Variants in TENT2 observed in about 807,000 individuals in gnomAD.
TENT2 encodes terminal nucleotidyltransferase 2.
A neutral mutation model predicts 72.2 loss-of-function variants in TENT2; 44 were observed. The ratio of observed to expected loss-of-function variants is 0.61; its 90% CI spans 0.48 to 0.78. TENT2 has a LOEUF of 0.78. TENT2 is among the 30% of genes least tolerant of loss of function. The pLI is 0.00. For synonymous variants in TENT2, 212 were observed against 192.5 expected (o/e 1.10, Z -0.84); for missense variants, 541 against 569.6 (o/e 0.95, Z 0.51).
At chr5:79,626,508 T>C (rs1368528503) in intron 4 of TENT2, among the ~76,000 whole-genome samples, 1 of 151,588 alleles carries the variant, frequency 6.6e-6, no homozygotes, top group Non-Finnish European at 1.5e-5. Context: ...GGGGTTTCAC[T>C]GTGTTAGCCA....
intron 8 of TENT2, 69 bp from the exon 9 acceptor site, chr5:79,648,548 G>C (rs72768817): frequency 0.083 from 89,206 of 1,071,548 alleles, 4,275 homozygotes; most frequent in South Asian, 0.13. Flanking sequence ...CATTAATTTA[G>C]TTATTAGGAA....
At chr5:79,641,450 T>C (rs1486356082) in intron 6 of TENT2, among the ~76,000 whole-genome samples, 1 of 149,740 alleles carries the variant, frequency 6.7e-6, no homozygotes, top group Non-Finnish European at 1.5e-5. Flanking sequence ...TTTTTTTTTT[T>C]CAAGAGCTCT....
rs1783948478 is a variant in TENT2, at chr5:79,640,907, A to G, written c.522A>G (p.Leu174=). ...CATGTCAGCAGCAAATAAGTGATTTAAAGAAGAAAGAACTCTGTCGAACAC... is the reference window on the plus strand; with the variant it reads ...CATGTCAGCAGCAAATAAGTGATTTGAAGAAGAAAGAACTCTGTCGAACAC... ...FETCQQQISD[L]KKKELCRTQL... The change falls in exon 5 of 15, where the codon TTA becomes TTG. Residue 174 remains leucine (L), a synonymous_variant. Transcript: ENST00000453514. The G allele has an allele frequency of 1.9e-5, 30 of 1,612,554 alleles. No individual in the cohort carries two copies. The highest frequency in any genetic ancestry group is 2.1e-5 in the Non-Finnish European group (25 of 1,179,500).
At chr5:79,620,845 C>G (rs566722312) in intron 3 of TENT2, among the ~76,000 whole-genome samples, 3 of 152,278 alleles carry the variant, frequency 2.0e-5, no homozygotes, top group Admixed American at 1.3e-4. Flanking sequence ...ACATCTCACA[C>G]AGGTAAGGTT....
intron 4 of TENT2, among the ~76,000 whole-genome samples, chr5:79,627,553 A>G (rs1192274870): frequency 6.6e-6 from 1 of 152,042 alleles, no homozygotes; most frequent in Non-Finnish European, 1.5e-5. Flanking sequence ...TGGCACAATC[A>G]TGGCTCACTG....
intron 8 of TENT2, among the ~76,000 whole-genome samples, chr5:79,646,960 G>A (rs553322385): frequency 1.9e-4 from 29 of 151,894 alleles, no homozygotes; most frequent in African/African-American, 6.5e-4. Flanking sequence ...GTAGAGACAG[G>A]GTCTCGCCAT....
chr5:79,615,841 T>G (rs572012696), intron 1 of TENT2, among the ~76,000 whole-genome samples: 1 of 151,676 alleles, frequency 6.6e-6, no homozygotes, highest in East Asian at 1.9e-4. Context: ...GCCTCCAGAG[T>G]AGCTGGGACT....
intron 12 of TENT2, among the ~76,000 whole-genome samples, chr5:79,679,232 A>G (rs1819829884): frequency 6.6e-6 from 1 of 151,818 alleles, no homozygotes; most frequent in South Asian, 2.1e-4. Context: ...CAGTTACTTC[A>G]TTTTTTCAAT....
chr5:79,654,235 T>C (rs2405096), intron 10 of TENT2, among the ~76,000 whole-genome samples: 70,793 of 151,938 alleles, frequency 0.47, 20,364 homozygotes, highest in African/African-American at 0.81. Flanking sequence ...AATTCGAGAC[T>C]AGCCTGACCA....
intron 14 of TENT2, among the ~76,000 whole-genome samples, chr5:79,684,340 C>T (rs1194997403): frequency 6.6e-6 from 1 of 152,062 alleles, no homozygotes; most frequent in Non-Finnish European, 1.5e-5. Flanking sequence ...CTCAGGCAGC[C>T]TCAATCTCCT....
intron 3 of TENT2, among the ~76,000 whole-genome samples, chr5:79,622,877 G>A (rs1304036293): frequency 1.3e-5 from 2 of 152,036 alleles, no homozygotes; most frequent in African/African-American, 4.8e-5. Context: ...TTTATAACTA[G>A]CACTCAGCTC....
intron 1 of TENT2, among the ~76,000 whole-genome samples, chr5:79,613,500 C>T (rs924805324): frequency 3.3e-5 from 5 of 152,074 alleles, no homozygotes; most frequent in Non-Finnish European, 7.4e-5. Context: ...TTGTAAATAT[C>T]TTCATATTGT....
intron 10 of TENT2, among the ~76,000 whole-genome samples, chr5:79,652,906 T>A (rs1795251064): frequency 6.6e-6 from 1 of 152,138 alleles, no homozygotes; most frequent in African/African-American, 2.4e-5. Flanking sequence ...CAGTGAACTC[T>A]GTTCTCTTGT....
At chr5:79,652,405 A>G (rs1794863198) in intron 10 of TENT2, among the ~76,000 whole-genome samples, 1 of 152,068 alleles carries the variant, frequency 6.6e-6, no homozygotes, top group African/African-American at 2.4e-5. Flanking sequence ...ATTTGTATAT[A>G]TACAAATACT....
chr5:79,665,892 A>C (rs1354344741), intron 11 of TENT2, among the ~76,000 whole-genome samples: 1 of 151,040 alleles, frequency 6.6e-6, no homozygotes, highest in African/African-American at 2.4e-5. Flanking sequence ...TAAGTTCTGA[A>C]CCCCCTTGTC....
intron 10 of TENT2, among the ~76,000 whole-genome samples, chr5:79,655,368 G>GT (rs1362781294): frequency 6.6e-6 from 1 of 151,998 alleles, no homozygotes; most frequent in Non-Finnish European, 1.5e-5. Context: ...GCTAGTATTT[G>GT]TTTTTGTCTC....
chr5:79,654,050 G>C (rs1054957991), intron 10 of TENT2, among the ~76,000 whole-genome samples: 1 of 152,208 alleles, frequency 6.6e-6, no homozygotes, highest in Non-Finnish European at 1.5e-5. Flanking sequence ...AATTCCAGTA[G>C]TCAATAATTG....
chr5:79,640,414 T>C (rs1783537728), intron 4 of TENT2, among the ~76,000 whole-genome samples: 1 of 152,168 alleles, frequency 6.6e-6, no homozygotes, highest in African/African-American at 2.4e-5. Flanking sequence ...ATACTAGGGA[T>C]TGGGCAAACT....
At chr5:79,635,342 C>A (rs1399884036) in intron 4 of TENT2, among the ~76,000 whole-genome samples, 1 of 152,098 alleles carries the variant, frequency 6.6e-6, no homozygotes, top group Non-Finnish European at 1.5e-5. Context: ...GACGAAAATT[C>A]TTTCACATAA....
Sources: allele counts gnomAD v4.1 joint callset (sites outside exome capture counted in the v4.1 genomes callset), GRCh38; gene constraint gnomAD v4.1.1; transcripts MANE v1.5; gene names NCBI Gene and HGNC (gene_info 2026-07-23, HGNC 2026-07-21).